EHF: variants seen among roughly 807,000 people sequenced by gnomAD.
EHF encodes ETS homologous factor.
In EHF, 14 loss-of-function variants were observed where a neutral mutation model predicts 45.1. The ratio of observed to expected loss-of-function variants is 0.31; its 90% CI spans 0.21 to 0.49. The LOEUF is 0.49. Among genes scored for constraint, EHF ranks in the 20% least tolerant of loss-of-function variants. The pLI, the probability that EHF is intolerant of heterozygous loss-of-function variation, is 0.99. For synonymous variants in EHF, 136 were observed against 131.8 expected (o/e 1.03, Z -0.22); for missense variants, 282 against 371.4 (o/e 0.76, Z 1.98).
At chr11:34,623,181 G>A (rs1852099993) in intron 1 of EHF, among the ~76,000 whole-genome samples, 1 of 152,058 alleles carries the variant, frequency 6.6e-6, no homozygotes, top group Admixed American at 6.6e-5. Flanking sequence ...CGCCTCCCAG[G>A]TTCAAGTGAT....
intron 1 of EHF, among the ~76,000 whole-genome samples, chr11:34,634,549 C>T (rs1853209332): frequency 6.6e-6 from 1 of 152,174 alleles, no homozygotes; most frequent in South Asian, 2.1e-4. Flanking sequence ...TGGTTAAGAT[C>T]TGCTCCGTGG....
In EHF at chr11:34,661,817, C is replaced by T. The variant is rs994316100; in HGVS notation, c.*2886C>T. On this transcript the variant is annotated 3_prime_UTR_variant, in exon 9 of 9. Coordinates refer to ENST00000257831, the MANE Select transcript of EHF (RefSeq NM_012153.6). ...CCACATGGTCACTAAACATGTTATCCTTAAACCCCCCGTATGCCTGAGTTG... is the reference window on the plus strand; with the variant it reads ...CCACATGGTCACTAAACATGTTATCTTTAAACCCCCCGTATGCCTGAGTTG... Among the ~76,000 whole-genome samples, 3 of 152,102 alleles carry T rather than the reference C, an allele frequency of 2.0e-5. No homozygotes were observed. Among genetic ancestry groups the T allele is most frequent in the African/African-American group, 4.8e-5 (2 of 41,420 alleles).
chr11:34,659,665 C>T lies in EHF; in HGVS notation c.*734C>T, dbSNP rs1855964850. On this transcript the variant is annotated 3_prime_UTR_variant, in exon 9 of 9. Coordinates refer to ENST00000257831, the MANE Select transcript of EHF (RefSeq NM_012153.6). The stretch of plus-strand genomic sequence containing the variant: ...AAATACTTTAATTGCCCTGTCTGCT[C>T]ACTTCTAGCTATTTAAGAGAGAACC... The T allele has an allele frequency of 6.6e-6, 1 of 152,144 alleles. No individual in the cohort carries two copies. Among genetic ancestry groups the T allele is most frequent in the South Asian group, 2.1e-4 (1 of 4,826 alleles). The allele number at this position is 152,144 out of a possible 1,614,324, so 9.4% of individuals were successfully genotyped here.
chr11:34,649,327 G>A (rs1854911195), intron 4 of EHF, among the ~76,000 whole-genome samples: 1 of 152,120 alleles, frequency 6.6e-6, no homozygotes, highest in East Asian at 1.9e-4. Context: ...CCTACTCCTG[G>A]TTGTGGCATC....
intron 1 of EHF, among the ~76,000 whole-genome samples, chr11:34,634,190 A>AT (rs67887209): frequency 0.31 from 47,468 of 151,720 alleles, 7,491 homozygotes; most frequent in Admixed American, 0.38. Flanking sequence ...ATGTACATGG[A>AT]TTTTTTTTTC....
At chr11:34,647,148 G>A (rs1009625975) in intron 3 of EHF, among the ~76,000 whole-genome samples, 1 of 151,786 alleles carries the variant, frequency 6.6e-6, no homozygotes, top group Non-Finnish European at 1.5e-5. Context: ...GGTCCTAAGG[G>A]TGGTAAGAAG....
intron 6 of EHF, among the ~76,000 whole-genome samples, chr11:34,652,975 G>T (rs1177908183): frequency 6.6e-6 from 1 of 152,162 alleles, no homozygotes; most frequent in Non-Finnish European, 1.5e-5. Context: ...TCAAACACTG[G>T]CAAGGCTTGG....
chr11:34,624,299 G>A, intron 1 of EHF: 5 of 985,388 alleles, frequency 5.1e-6, no homozygotes, highest in Non-Finnish European at 6.0e-6. Flanking sequence ...CGAACGCGGC[G>A]CTGTGGCTTT....
At position 34,646,550 on chromosome 11, in the gene EHF, C is replaced by G. The variant is rs192302323; in HGVS notation, c.209C>G (p.Ala70Gly). The G allele has an allele frequency of 3.1e-5, 50 of 1,613,688 alleles. No individual in the cohort carries two copies. The Admixed American group carries it at 8.2e-4, about 26-fold the overall frequency. The change falls in exon 3 of 9, where the codon GCC (alanine) becomes GGC (glycine). Residue 70 changes from alanine to glycine, a missense_variant. Ala to Gly is a moderately conservative substitution (Grantham distance 60). Coordinates refer to ENST00000257831, the MANE Select transcript of EHF (RefSeq NM_012153.6). Reference protein sequence around the residue: ...QHLLDTNQLDANCIPFQEFDI... With the variant: ...QHLLDTNQLDGNCIPFQEFDI... ...CTCCTGGACACCAACCAGCTGGATG[C>G]CAATTGTATCCCTTTCCAAGAGTTC...
In EHF at chr11:34,660,252, G is replaced by C. The variant is rs1244315928; in HGVS notation, c.*1321G>C. On this transcript the variant is annotated 3_prime_UTR_variant, in exon 9 of 9. Coordinates refer to ENST00000257831, the MANE Select transcript of EHF (RefSeq NM_012153.6). ...ACTACAATAGAAGACATTTTCACTGGAATTACAAAGCAGAATTAAAATTAT... is the reference window on the plus strand; with the variant it reads ...ACTACAATAGAAGACATTTTCACTGCAATTACAAAGCAGAATTAAAATTAT... 1 of 152,056 alleles carries C rather than the reference G, an allele frequency of 6.6e-6. No homozygotes were observed. Among genetic ancestry groups the C allele is most frequent in the Non-Finnish European group, 1.5e-5 (1 of 68,006 alleles). 9.4% of individuals were successfully genotyped at this position (152,056 alleles called of 1,614,324 possible).
intron 1 of EHF, among the ~76,000 whole-genome samples, chr11:34,637,029 CA>C (rs34992133): frequency 0.4 from 34,381 of 86,644 alleles, 4,450 homozygotes; most frequent in East Asian, 0.56. Context: ...AACTTCATCT[CA>C]AAAAAAAAAA....
At chr11:34,630,297 T>C (rs899638530) in intron 1 of EHF, among the ~76,000 whole-genome samples, 2 of 152,158 alleles carry the variant, frequency 1.3e-5, no homozygotes, top group African/African-American at 4.8e-5. Context: ...TTTGCTAGCT[T>C]TGTGTCTTTA....
chr11:34,651,711 T>A (rs775465098), intron 5 of EHF, 26 bp from the exon 6 acceptor site: 1 of 1,613,718 alleles, frequency 6.2e-7, no homozygotes, highest in Non-Finnish European at 8.5e-7. Flanking sequence ...GTGCTCTAAA[T>A]GTCCTTTATC....
chr11:34,648,360 T>TATA (rs1854788458), intron 3 of EHF, among the ~76,000 whole-genome samples: 1 of 151,558 alleles, frequency 6.6e-6, no homozygotes. Flanking sequence ...TATATATATA[T>TATA]ATATAAGCAT....
intron 1 of EHF, among the ~76,000 whole-genome samples, chr11:34,637,317 A>G (rs1443070538): frequency 6.6e-6 from 1 of 152,176 alleles, no homozygotes; most frequent in Non-Finnish European, 1.5e-5. Flanking sequence ...TTGGCGAAGC[A>G]AGCCTGGAGA....
At chr11:34,651,868 A>G (rs1855205731) in intron 6 of EHF, 63 bp downstream of exon 6, 4 of 1,460,828 alleles carry the variant, frequency 2.7e-6, no homozygotes, top group Non-Finnish European at 3.8e-6. Context: ...AGTGGGAATT[A>G]CCAACACTCT....
chr11:34,624,166 C>G, intron 1 of EHF: 2 of 486,850 alleles, frequency 4.1e-6, no homozygotes, highest in Non-Finnish European at 5.3e-6. Flanking sequence ...AGATCGCTCT[C>G]TGGTAGAGTT....
rs562584735 is a variant in EHF, at chr11:34,661,655, G to A, written c.*2724G>A. On this transcript the variant is annotated 3_prime_UTR_variant, in exon 9 of 9. Coordinates refer to ENST00000257831, the MANE Select transcript of EHF (RefSeq NM_012153.6). The stretch of plus-strand genomic sequence containing the variant: ...GTGACTTGGAGAACTTAAAGTAATC[G>A]AGCTATGCCAACTTGGGGTGGTAAC... Among the ~76,000 whole-genome samples the A allele has an allele frequency of 1.3e-5, 2 of 152,162 alleles. No individual in the cohort carries two copies. The highest frequency in any genetic ancestry group is 6.6e-5 in the Admixed American group (1 of 15,266).
At chr11:34,639,644 C>T (rs941633016) in intron 1 of EHF, among the ~76,000 whole-genome samples, 13 of 152,264 alleles carry the variant, frequency 8.5e-5, no homozygotes, top group Admixed American at 1.3e-4. Context: ...GAAATGCTGA[C>T]CTTCTTTGCT....
Sources: gnomAD v4.1 joint callset for allele counts (sites outside exome capture counted in the v4.1 genomes callset) on GRCh38, gnomAD v4.1.1 for gene constraint, MANE v1.5 for transcripts, NCBI Gene and HGNC (gene_info 2026-07-23, HGNC 2026-07-21) for gene names.